Variants in PTPRK observed in about 807,000 individuals in gnomAD.
The protein encoded by PTPRK is receptor-type tyrosine-protein phosphatase kappa.
A neutral mutation model predicts 178.0 loss-of-function variants in PTPRK; 75 were observed. The observed-to-expected ratio is 0.42, with a 90% CI of 0.35 to 0.51. The LOEUF is 0.51. Ranked by LOEUF, PTPRK falls within the 20% of genes least tolerant of loss-of-function variation. The pLI is 0.02. For synonymous variants in PTPRK, 637 were observed against 620.6 expected, an observed-to-expected ratio of 1.03 and a Z score of -0.39; for missense variants, 1,441 against 1,797.8, an observed-to-expected ratio of 0.80 and a Z score of 3.59.
intron 1 of PTPRK, among the ~76,000 whole-genome samples, chr6:128,510,561 T>G (rs776735736): frequency 1.3e-5 from 2 of 152,188 alleles, no homozygotes; most frequent in African/African-American, 2.4e-5. Context: ...TCAATATCAT[T>G]TACCACAGCT....
chr6:128,205,590 T>C (rs1248481212), intron 6 of PTPRK, among the ~76,000 whole-genome samples: 1 of 151,556 alleles, frequency 6.6e-6, no homozygotes, highest in East Asian at 1.9e-4. Flanking sequence ...ATGGCCAATA[T>C]GGCGAAACCC....
At chr6:128,350,623 T>A (rs538019339) in intron 2 of PTPRK, among the ~76,000 whole-genome samples, 2 of 152,336 alleles carry the variant, frequency 1.3e-5, no homozygotes, top group African/African-American at 4.8e-5. Flanking sequence ...TTTAAGCCAA[T>A]GTTTTTAAAG....
intron 1 of PTPRK, among the ~76,000 whole-genome samples, chr6:128,438,502 GC>G (rs1297038630): frequency 6.6e-6 from 1 of 152,212 alleles, no homozygotes; most frequent in East Asian, 1.9e-4. Flanking sequence ...ATGGAGAAGA[GC>G]CAGTCAGCAT....
At chr6:128,211,061 A>G (rs1404004188) in intron 6 of PTPRK, among the ~76,000 whole-genome samples, 2 of 152,180 alleles carry the variant, frequency 1.3e-5, no homozygotes, top group Non-Finnish European at 2.9e-5. Context: ...TATATCCTAA[A>G]GTGTAAAAGT....
intron 7 of PTPRK, among the ~76,000 whole-genome samples, chr6:128,165,797 T>C (rs535823814): frequency 6.6e-6 from 1 of 151,604 alleles, no homozygotes; most frequent in South Asian, 2.1e-4. Context: ...GAAAAATTAA[T>C]GAAACTAAAG....
intron 7 of PTPRK, among the ~76,000 whole-genome samples, chr6:128,130,633 G>A (rs984154988): frequency 6.6e-6 from 1 of 152,110 alleles, no homozygotes; most frequent in Non-Finnish European, 1.5e-5. Context: ...CCTGATCACC[G>A]TAAGACTTGT....
chr6:128,378,452 A>T (rs1052024393), intron 2 of PTPRK, among the ~76,000 whole-genome samples: 2 of 152,040 alleles, frequency 1.3e-5, no homozygotes, highest in Non-Finnish European at 2.9e-5. Context: ...ACATCAAAAG[A>T]TTGATGGTGA....
Position 128,160,940 on chromosome 6 carries a change from A to G in PTPRK, c.1162+23492T>C, listed in dbSNP as rs9491916. ...GATATTGAATGGAACTGTAGAACCT[A>G]TATTTGTATAAAATTTTAGGTGAGT... On this transcript the variant is annotated intron_variant, in intron 7 of 29. Coordinates refer to ENST00000368226, the MANE Select transcript of PTPRK (RefSeq NM_002844.4). Among the ~76,000 whole-genome samples the G allele has an allele frequency of 4.2e-3, 630 of 151,696 alleles. 5 individuals carry two copies. The highest frequency in any genetic ancestry group is 0.015 in the African/African-American group (610 of 41,500).
At position 128,299,722 on chromosome 6, in the gene PTPRK, CAAGATGGATTAAAGACTTAA is replaced by C. The variant is rs1825218638; in HGVS notation, c.495+22297_495+22316del. ...CTTACACCTTATACAAACATTAATT[CAAGATGGATTAAAGACTTAA>C]ACGTTAGACCTAAAACCATAAAAAC... On this transcript the variant is annotated intron_variant, in intron 3 of 29. Coordinates refer to ENST00000368226, the MANE Select transcript of PTPRK (RefSeq NM_002844.4). 3.3e-5 allele frequency among the ~76,000 whole-genome samples: 5 copies of C among 152,088 alleles called. No individual in the cohort carries two copies. In the South Asian group the frequency reaches 1.0e-3, roughly 32 times the overall value.
At chr6:128,485,811 A>G (rs1375712858) in intron 1 of PTPRK, among the ~76,000 whole-genome samples, 1 of 152,262 alleles carries the variant, frequency 6.6e-6, no homozygotes, top group Non-Finnish European at 1.5e-5. Context: ...TAATAAATTA[A>G]TAATGACCAG....
intron 3 of PTPRK, among the ~76,000 whole-genome samples, chr6:128,268,648 T>A (rs1819321774): frequency 6.6e-6 from 1 of 152,066 alleles, no homozygotes; most frequent in Non-Finnish European, 1.5e-5. Flanking sequence ...AAAATTATTT[T>A]TAACAATTCA....
At chr6:128,356,578 C>G (rs1833994588) in intron 2 of PTPRK, among the ~76,000 whole-genome samples, 1 of 152,202 alleles carries the variant, frequency 6.6e-6, no homozygotes. Context: ...CCTGCTACTT[C>G]TCTGATGACC....
chr6:128,508,451 A>T (rs1252457538), intron 1 of PTPRK, among the ~76,000 whole-genome samples: 1 of 152,226 alleles, frequency 6.6e-6, no homozygotes, highest in African/African-American at 2.4e-5. Flanking sequence ...AAAAGGAAAA[A>T]AGTATACACA....
intron 29 of PTPRK, among the ~76,000 whole-genome samples, chr6:127,972,787 C>A (rs72975913): frequency 0.14 from 21,262 of 151,996 alleles, 1,572 homozygotes; most frequent in African/African-American, 0.16. Context: ...AAAAATCCTA[C>A]AAATTTCCCA....
rs142629654 is a variant in PTPRK, at chr6:128,078,755, A to T, written c.1883+58T>A. The T allele has an allele frequency of 1.1e-3, 1,455 of 1,275,378 alleles. 17 individuals carry two copies. The African/African-American group carries it at 0.019, about 16-fold the overall frequency. The allele number at this position is 1,275,378 out of a possible 1,614,324, so 79.0% of individuals were successfully genotyped here. A position where few individuals can be genotyped will look rare whatever the true frequency, so the allele number is the denominator to read the frequency against. ...TCTCTGGTTTTAGGCATACTTGGGC[A>T]TCTTGGGATGTACATACCTGTGGAT... is the stretch of plus-strand genomic sequence containing the variant. On this transcript the variant is annotated intron_variant, in intron 11 of 29. Transcript: ENST00000368226.
At chr6:128,261,923 T>G (rs1818242516) in intron 3 of PTPRK, among the ~76,000 whole-genome samples, 1 of 152,082 alleles carries the variant, frequency 6.6e-6, no homozygotes, top group Non-Finnish European at 1.5e-5. Context: ...CAGCATCAAG[T>G]TGGGCCCTTA....
At chr6:128,035,196 G>A (rs571966443) in intron 13 of PTPRK, among the ~76,000 whole-genome samples, 33 of 152,014 alleles carry the variant, frequency 2.2e-4, no homozygotes, top group African/African-American at 7.0e-4. Context: ...TTGAAATCCC[G>A]GCTCTACAAA....
At chr6:128,407,942 G>T (rs1350709125) in intron 1 of PTPRK, among the ~76,000 whole-genome samples, 1 of 152,088 alleles carries the variant, frequency 6.6e-6, no homozygotes, top group Non-Finnish European at 1.5e-5. Flanking sequence ...TTGAAGTCTG[G>T]TATCTTCTCT....
intron 1 of PTPRK, among the ~76,000 whole-genome samples, chr6:128,421,265 A>G (rs1442754049): frequency 1.3e-5 from 2 of 152,222 alleles, no homozygotes; most frequent in African/African-American, 4.8e-5. Context: ...GTGGAATAAA[A>G]CTGGAAAATA....
Sources: gnomAD v4.1 joint callset for allele counts (sites outside exome capture counted in the v4.1 genomes callset) on GRCh38, gnomAD v4.1.1 for gene constraint, MANE v1.5 for transcripts, NCBI Gene and HGNC (gene_info 2026-07-23, HGNC 2026-07-21) for gene names.